Variants in ENTPD7 observed in about 807,000 individuals in gnomAD.
ENTPD7 encodes the protein ectonucleoside triphosphate diphosphohydrolase 7.
In ENTPD7, 53 loss-of-function variants were observed where a neutral mutation model predicts 77.9. The ratio of observed to expected loss-of-function variants is 0.68; its 90% CI spans 0.55 to 0.85. The LOEUF (loss-of-function observed/expected upper bound fraction) is 0.85, where lower values mean the gene tolerates loss of function less well. Among genes scored for constraint, ENTPD7 ranks in the 40% least tolerant of loss-of-function variants. The pLI is 0.00. For synonymous variants in ENTPD7, 248 were observed against 274.9 expected, an observed-to-expected ratio of 0.90 and a Z score of 0.97; for missense variants, 636 against 743.7, an observed-to-expected ratio of 0.86 and a Z score of 1.68.
At chr10:99,691,049 C>T (rs755967451) in intron 7 of ENTPD7, among the ~76,000 whole-genome samples, 2 of 151,974 alleles carry the variant, frequency 1.3e-5, no homozygotes, top group African/African-American at 2.4e-5. Context: ...TTTAGTGGTG[C>T]GATAATAGCT....
chr10:99,675,855 C>G (rs906897050), intron 3 of ENTPD7, among the ~76,000 whole-genome samples: 23 of 152,070 alleles, frequency 1.5e-4, no homozygotes, highest in African/African-American at 5.1e-4. Flanking sequence ...CTCGGCCTCC[C>G]AAAGTGCTGC....
intron 8 of ENTPD7, 77 bp downstream of exon 8, chr10:99,691,595 G>A: frequency 6.6e-7 from 1 of 1,508,960 alleles, no homozygotes; most frequent in Non-Finnish European, 9.0e-7. Context: ...TTTGGACTTA[G>A]ACCAACCTAC....
intron 8 of ENTPD7, among the ~76,000 whole-genome samples, chr10:99,692,316 C>G (rs1163909904): frequency 6.6e-6 from 1 of 152,158 alleles, no homozygotes; most frequent in Admixed American, 6.5e-5. Flanking sequence ...AGTAACAACC[C>G]TCCCCCTTCC....
At chr10:99,701,801 G>T (rs1441418200) in intron 11 of ENTPD7, among the ~76,000 whole-genome samples, 1 of 151,644 alleles carries the variant, frequency 6.6e-6, no homozygotes, top group East Asian at 2.0e-4. Flanking sequence ...TAATCCTAGT[G>T]CTTTGGGAGG....
Position 99,705,130 on chromosome 10 carries a change from A to G in ENTPD7, c.*447A>G, listed in dbSNP as rs2036227000. 5.9e-6 allele frequency: 1 copy of G among 169,248 alleles called. No homozygotes were observed. Among genetic ancestry groups the G allele is most frequent in the Admixed American group, 5.6e-5 (1 of 17,988 alleles). 10.5% of individuals were successfully genotyped at this position (169,248 alleles called of 1,614,324 possible). ...CTTCTTTCTCTGTAACAGAGATATC[A>G]TTTATGTGGAGATCCACAACCTTTA... On this transcript the variant is annotated 3_prime_UTR_variant, in exon 13 of 13. Coordinates refer to ENST00000370489, the MANE Select transcript of ENTPD7 (RefSeq NM_020354.5).
At chr10:99,696,210 T>G in intron 9 of ENTPD7, 88 bp downstream of exon 9, 1 of 1,473,930 alleles carries the variant, frequency 6.8e-7, no homozygotes, top group South Asian at 1.3e-5. Context: ...CTAAGACAGA[T>G]AAGTCCCTGC....
rs1326688269 is a variant in ENTPD7, at chr10:99,706,646, T to C, written c.*1963T>C. 6.6e-6 allele frequency among the ~76,000 whole-genome samples: 1 copy of C among 152,220 alleles called. No individual in the cohort carries two copies. The highest frequency in any genetic ancestry group is 2.4e-5 in the African/African-American group (1 of 41,466). ...TACTGCACCTGCCCTCTGTTTCCTT[T>C]GGAAATCTCTTACCTTTCATTAGGG... is the stretch of plus-strand genomic sequence containing the variant. On this transcript the variant is annotated 3_prime_UTR_variant, in exon 13 of 13. Transcript: ENST00000370489.
intron 5 of ENTPD7, 57 bp from the exon 6 acceptor site, chr10:99,685,735 A>G: frequency 7.8e-7 from 1 of 1,277,160 alleles, no homozygotes; most frequent in Non-Finnish European, 1.1e-6. Flanking sequence ...AAGTTGAGGC[A>G]GTTTATGAGA....
At chr10:99,695,152 T>C (rs2035949817) in intron 8 of ENTPD7, among the ~76,000 whole-genome samples, 1 of 152,190 alleles carries the variant, frequency 6.6e-6, no homozygotes, top group Non-Finnish European at 1.5e-5. Flanking sequence ...CACCTTTTCA[T>C]TGGCGGTACA....
intron 7 of ENTPD7, among the ~76,000 whole-genome samples, chr10:99,690,999 TTTTTA>T (rs1360736268): frequency 3.3e-5 from 5 of 152,170 alleles, no homozygotes; most frequent in Admixed American, 6.5e-5. Context: ...TGCTTTCTTT[TTTTTA>T]TTTTGAGACA....
In ENTPD7 at chr10:99,668,346, CCA is replaced by C. The variant is rs773906965; in HGVS notation, c.191+6720_191+6721del. 3.0e-3 allele frequency among the ~76,000 whole-genome samples: 461 copies of C among 152,190 alleles called. 4 individuals carry two copies. Among genetic ancestry groups the C allele is most frequent in the Non-Finnish European group, 5.2e-3 (353 of 68,012 alleles). On this transcript the variant is annotated intron_variant, in intron 3 of 12. Coordinates refer to ENST00000370489, the MANE Select transcript of ENTPD7 (RefSeq NM_020354.5). ...CTCTTCTCAAGGTGAATCTAATATA[CCA>C]CCTGGGTTGAGAAAAACTGCTTTAA...
In ENTPD7 at chr10:99,709,757, C is replaced by T; in HGVS notation, c.*5074C>T. 1 of 985,308 alleles carries T rather than the reference C, an allele frequency of 1.0e-6. No individual in the cohort carries two copies. Among genetic ancestry groups the T allele is most frequent in the Non-Finnish European group, 1.2e-6 (1 of 829,874 alleles). The allele number at this position is 985,308 out of a possible 1,614,324, so 61.0% of individuals were successfully genotyped here. Reference sequence around the variant, plus strand: ...CTCTGTCTACTTATCTTCCTTATATCCTAATAGACTTCTCTTGTGTTATTA... The same window carrying T: ...CTCTGTCTACTTATCTTCCTTATATTCTAATAGACTTCTCTTGTGTTATTA... On this transcript the variant is annotated 3_prime_UTR_variant, in exon 13 of 13. Transcript: ENST00000370489.
chr10:99,680,802 C>T (rs1170988648), intron 5 of ENTPD7, among the ~76,000 whole-genome samples: 1 of 152,122 alleles, frequency 6.6e-6, no homozygotes, highest in Non-Finnish European at 1.5e-5. Context: ...GTTTAGAACT[C>T]CTGGGCTCAA....
chr10:99,665,469 G>A (rs2035537659), intron 3 of ENTPD7, among the ~76,000 whole-genome samples: 1 of 151,944 alleles, frequency 6.6e-6, no homozygotes, highest in South Asian at 2.1e-4. Context: ...TCTGGATTCT[G>A]TCCCCAGATT....
chr10:99,669,589 A>G (rs1296367403), intron 3 of ENTPD7, among the ~76,000 whole-genome samples: 1 of 152,104 alleles, frequency 6.6e-6, no homozygotes, highest in African/African-American at 2.4e-5. Context: ...ATAGAATCCA[A>G]AACTGTGTTT....
intron 3 of ENTPD7, among the ~76,000 whole-genome samples, chr10:99,669,713 G>A (rs2035594351): frequency 7.2e-6 from 1 of 139,762 alleles, no homozygotes; most frequent in African/African-American, 2.6e-5. Flanking sequence ...AGCTGTTTTT[G>A]AGAATAATAC....
chr10:99,665,049 G>A (rs1040836928), intron 3 of ENTPD7, among the ~76,000 whole-genome samples: 5 of 151,904 alleles, frequency 3.3e-5, no homozygotes, highest in African/African-American at 9.7e-5. Flanking sequence ...TCAAGAGTTC[G>A]AGACCAACCT....
chr10:99,701,531 G>A (rs1229299510), intron 11 of ENTPD7, among the ~76,000 whole-genome samples: 4 of 151,522 alleles, frequency 2.6e-5, no homozygotes, highest in South Asian at 2.1e-4. Flanking sequence ...CAAGTGATCC[G>A]CCTGCCTCGC....
At chr10:99,675,659 C>T (rs1012535697) in intron 3 of ENTPD7, among the ~76,000 whole-genome samples, 10 of 142,274 alleles carry the variant, frequency 7.0e-5, no homozygotes, top group East Asian at 2.0e-4. Flanking sequence ...TGCAGTGGTG[C>T]GATCTCGGCT....
Sources: gnomAD v4.1 joint callset for allele counts (sites outside exome capture counted in the v4.1 genomes callset) on GRCh38, gnomAD v4.1.1 for gene constraint, MANE v1.5 for transcripts, NCBI Gene and HGNC (gene_info 2026-07-23, HGNC 2026-07-21) for gene names.